Variants in CCDC73 observed in about 807,000 individuals in gnomAD.
CCDC73 encodes coiled-coil domain containing 73.
CCDC73 carries 95 observed loss-of-function variants against 116.5 expected under a neutral mutation model. The observed-to-expected ratio is 0.82, with a 90% CI of 0.69 to 0.97. CCDC73 has a LOEUF of 0.97. CCDC73 is among the 50% of genes least tolerant of loss of function. CCDC73 has a pLI of 0.00. For synonymous variants in CCDC73, 398 were observed against 401.3 expected, an observed-to-expected ratio of 0.99 and a Z score of 0.10; for missense variants, 1,066 against 1,206.8, an observed-to-expected ratio of 0.88 and a Z score of 1.73.
chr11:32,798,695 A>C (rs1850747286), upstream of CCDC73, among the ~76,000 whole-genome samples: 1 of 152,212 alleles, frequency 6.6e-6, no homozygotes, highest in Non-Finnish European at 1.5e-5. Flanking sequence ...AAGCAAAGAT[A>C]TTTTCAGTGG....
chr11:32,755,999 A>C (rs1294644390), intron 2 of CCDC73, among the ~76,000 whole-genome samples: 1 of 2,600 alleles, frequency 3.8e-4, no homozygotes, highest in African/African-American at 1.4e-3. Context: ...ATCTCCATAT[A>C]TATATCTATA....
intron 6 of CCDC73, among the ~76,000 whole-genome samples, chr11:32,685,266 C>A (rs1467191337): frequency 0.017 from 1,596 of 92,666 alleles, no homozygotes; most frequent in African/African-American, 0.024. Context: ...AACACTGGAC[C>A]AAAAAAAAAA....
intron 2 of CCDC73, among the ~76,000 whole-genome samples, chr11:32,719,041 G>T (rs1485712422): frequency 6.6e-6 from 1 of 152,148 alleles, no homozygotes; most frequent in Admixed American, 6.5e-5. Context: ...AAAAGAACAA[G>T]GAGATACAGC....
intron 2 of CCDC73, chr11:32,758,248 G>T: frequency 3.0e-6 from 1 of 337,944 alleles, no homozygotes; most frequent in East Asian, 6.8e-5. Flanking sequence ...ATCCAGGGAT[G>T]GCATCTAGAT....
intron 2 of CCDC73, among the ~76,000 whole-genome samples, chr11:32,743,136 C>T (rs940734849): frequency 5.3e-5 from 8 of 152,244 alleles, no homozygotes; most frequent in Non-Finnish European, 1.0e-4. Flanking sequence ...CTTGTCAATG[C>T]GGGCTCTTTT....
chr11:32,607,860 G>A (rs963366826), intron 17 of CCDC73, among the ~76,000 whole-genome samples: 1 of 152,172 alleles, frequency 6.6e-6, no homozygotes, highest in Non-Finnish European at 1.5e-5. Flanking sequence ...TGACTGGGGA[G>A]GCCTCATAAT....
At chr11:32,750,647 C>G (rs949903805) in intron 2 of CCDC73, among the ~76,000 whole-genome samples, 3 of 152,140 alleles carry the variant, frequency 2.0e-5, no homozygotes, top group Non-Finnish European at 4.4e-5. Flanking sequence ...GGAGTATTGA[C>G]AGGGTACCAC....
chr11:32,608,781 C>T (rs972166157), intron 17 of CCDC73, among the ~76,000 whole-genome samples: 12 of 152,218 alleles, frequency 7.9e-5, no homozygotes, highest in Admixed American at 7.2e-4. Context: ...TCCATACATC[C>T]TTTGAAATCT....
intron 12 of CCDC73, among the ~76,000 whole-genome samples, chr11:32,645,573 G>A (rs551197249): frequency 3.3e-5 from 5 of 151,676 alleles, no homozygotes; most frequent in African/African-American, 4.8e-5. Context: ...ACAGGCATGA[G>A]CCACCACGCC....
intron 2 of CCDC73, among the ~76,000 whole-genome samples, chr11:32,739,704 C>T (rs1038403571): frequency 1.3e-5 from 2 of 151,920 alleles, no homozygotes; most frequent in Non-Finnish European, 1.5e-5. Context: ...TGTCTGATTG[C>T]TCTAGCTAGG....
chr11:32,792,578 G>A (rs929755921), intron 1 of CCDC73, among the ~76,000 whole-genome samples: 5 of 152,102 alleles, frequency 3.3e-5, no homozygotes, highest in Admixed American at 3.3e-4. Flanking sequence ...CACAATTTAG[G>A]AAATACTGTC....
chr11:32,750,130 A>T (rs1331951291), intron 2 of CCDC73, among the ~76,000 whole-genome samples: 1 of 152,150 alleles, frequency 6.6e-6, no homozygotes, highest in Non-Finnish European at 1.5e-5. Context: ...TCAGCCTCCC[A>T]AAATGCTGGG....
intron 3 of CCDC73, among the ~76,000 whole-genome samples, chr11:32,708,784 T>G (rs1849875584): frequency 6.6e-6 from 1 of 152,174 alleles, no homozygotes; most frequent in Non-Finnish European, 1.5e-5. Context: ...CTTGTTGAAT[T>G]GATTTGCCAG....
At chr11:32,690,997 C>T (rs1411711117) in intron 6 of CCDC73, among the ~76,000 whole-genome samples, 2 of 151,398 alleles carry the variant, frequency 1.3e-5, no homozygotes, top group Non-Finnish European at 2.9e-5. Context: ...CCCTAAAAAA[C>T]TTCTGTACTC....
At chr11:32,702,419 G>A (rs1849821578) in intron 4 of CCDC73, among the ~76,000 whole-genome samples, 1 of 151,998 alleles carries the variant, frequency 6.6e-6, no homozygotes, top group African/African-American at 2.4e-5. Context: ...GATATTTATG[G>A]AGGCTACAGT....
At chr11:32,761,790 G>C (rs181487958) in intron 1 of CCDC73, among the ~76,000 whole-genome samples, 4 of 152,154 alleles carry the variant, frequency 2.6e-5, no homozygotes, top group Non-Finnish European at 2.9e-5. Context: ...GAGAGAGAGA[G>C]ATTTTAGGGA....
Position 32,683,550 on chromosome 11 carries a change from T to G in CCDC73, c.415A>C (p.Lys139Gln). The G allele has an allele frequency of 6.6e-7, 1 of 1,524,514 alleles. No individual in the cohort carries two copies. The highest frequency in any genetic ancestry group is 9.1e-7 in the Non-Finnish European group (1 of 1,101,960). 94.4% of individuals were successfully genotyped at this position (1,524,514 alleles called of 1,614,324 possible). A position where few individuals can be genotyped will look rare whatever the true frequency, so the allele number is the denominator to read the frequency against. Reference protein sequence around the residue: ...LQVSKYSLQKKVSEMEQKVQL... With the variant: ...LQVSKYSLQKQVSEMEQKVQL... ...AATTTCCTTACCATTTCACTCACTT[T>G]CTTCTGTAAAGAGTATTTAGAAACC... The change falls in exon 7 of 18, where the codon AAA becomes CAA. Residue 139 changes from lysine (K) to glutamine (Q), a missense_variant. Coordinates refer to ENST00000335185, the MANE Select transcript of CCDC73 (RefSeq NM_001008391.4).
At chr11:32,651,719 G>C (rs998518843) in intron 12 of CCDC73, among the ~76,000 whole-genome samples, 1 of 152,234 alleles carries the variant, frequency 6.6e-6, no homozygotes, top group Admixed American at 6.5e-5. Flanking sequence ...AGGCCATTCT[G>C]AGTGTGGGTC....
chr11:32,786,539 A>T (rs1028300764), intron 1 of CCDC73, among the ~76,000 whole-genome samples: 3 of 147,934 alleles, frequency 2.0e-5, no homozygotes, highest in Non-Finnish European at 4.5e-5. Flanking sequence ...AATATATTTT[A>T]AAATAAGGCC....
Sources: allele counts gnomAD v4.1 joint callset (sites outside exome capture counted in the v4.1 genomes callset), GRCh38; gene constraint gnomAD v4.1.1; transcripts MANE v1.5; gene names NCBI Gene and HGNC (gene_info 2026-07-23, HGNC 2026-07-21).